TRIM33: variants seen among roughly 807,000 people sequenced by gnomAD.
TRIM33 encodes tripartite motif containing 33.
A neutral mutation model predicts 125.4 loss-of-function variants in TRIM33; 20 were observed. That is an observed-to-expected ratio of 0.16 (90% CI 0.11 to 0.23). TRIM33 has a LOEUF of 0.23. Among genes scored for constraint, TRIM33 ranks in the 10% least tolerant of loss-of-function variants. The probability of loss-of-function intolerance (pLI) is 1.00; values close to 1 mark genes in which losing one functional copy is unlikely to be tolerated. For synonymous variants in TRIM33, 564 were observed against 513.9 expected (o/e 1.10, Z -1.32); for missense variants, 920 against 1,411.4 (o/e 0.65, Z 5.58).
intron 1 of TRIM33, among the ~76,000 whole-genome samples, chr1:114,471,495 A>G (rs1468477076): frequency 6.6e-6 from 1 of 152,018 alleles, no homozygotes; most frequent in African/African-American, 2.4e-5. Context: ...CACAATTTCC[A>G]TATTAAAAAA....
intron 7 of TRIM33, 24 bp from the exon 8 acceptor site, chr1:114,427,318 T>C: frequency 1.6e-6 from 2 of 1,215,770 alleles, no homozygotes; most frequent in East Asian, 2.4e-5. Context: ...AAATCCACAT[T>C]AGTCTCAAAA....
At chr1:114,461,728 C>T (rs1650012817) in intron 4 of TRIM33, among the ~76,000 whole-genome samples, 1 of 151,864 alleles carries the variant, frequency 6.6e-6, no homozygotes, top group Admixed American at 6.6e-5. Flanking sequence ...TGCCTCTCAC[C>T]ATCAACTTAA....
At chr1:114,473,851 C>A (rs1447887966) in intron 1 of TRIM33, among the ~76,000 whole-genome samples, 1 of 152,010 alleles carries the variant, frequency 6.6e-6, no homozygotes, top group Non-Finnish European at 1.5e-5. Flanking sequence ...GAATTAAATA[C>A]CCCAATGAAA....
chr1:114,474,607 G>A (rs1159067921), intron 1 of TRIM33, among the ~76,000 whole-genome samples: 2 of 146,446 alleles, frequency 1.4e-5, no homozygotes, highest in Non-Finnish European at 3.0e-5. Flanking sequence ...AAAAAGGCCA[G>A]GGGCAGTGGC....
chr1:114,506,444 G>C (rs1468541675), intron 1 of TRIM33, among the ~76,000 whole-genome samples: 1 of 150,800 alleles, frequency 6.6e-6, no homozygotes, highest in Non-Finnish European at 1.5e-5. Flanking sequence ...CATTTCTTCA[G>C]CCACATCATT....
chr1:114,458,700 T>C (rs1045328282), intron 4 of TRIM33, among the ~76,000 whole-genome samples: 1 of 152,190 alleles, frequency 6.6e-6, no homozygotes, highest in African/African-American at 2.4e-5. Context: ...ATTAAACTCT[T>C]TCTCTGCTAC....
chr1:114,416,557 T>C (rs1049061522), intron 11 of TRIM33, among the ~76,000 whole-genome samples: 1 of 152,170 alleles, frequency 6.6e-6, no homozygotes, highest in African/African-American at 2.4e-5. Flanking sequence ...GCCTTCTCAC[T>C]CCCTCAAGCC....
Position 114,399,629 on chromosome 1 carries a change from G to T in TRIM33, c.2968-20C>A, listed in dbSNP as rs1012718783. On this transcript the variant is annotated intron_variant, in intron 17 of 19. Transcript: ENST00000358465. ...TGGTATCTAAAATAAGCACATAATG[G>T]CAAATAAGAATTCTCCAAAAATGCC... 1 of 1,546,658 alleles carries T rather than the reference G, an allele frequency of 6.5e-7. No homozygotes were observed. Among genetic ancestry groups the T allele is most frequent in the East Asian group, 2.3e-5 (1 of 43,786 alleles).
chr1:114,447,465 C>T (rs1328788221), intron 4 of TRIM33, among the ~76,000 whole-genome samples: 1 of 151,890 alleles, frequency 6.6e-6, no homozygotes, highest in Admixed American at 6.6e-5. Flanking sequence ...AGAAAGTGAT[C>T]AGTAGTTGAG....
chr1:114,426,522 T>A lies in TRIM33; in HGVS notation c.1420+655A>T, dbSNP rs1179073757. On this transcript the variant is annotated intron_variant, in intron 8 of 19. Coordinates refer to ENST00000358465, the MANE Select transcript of TRIM33 (RefSeq NM_015906.4). ...GCAAAGATTACTTTTTTTTTTTTTT[T>A]AAAAAAAAAGGGCAACCAGCCTCTG... Among the ~76,000 whole-genome samples the A allele has an allele frequency of 3.3e-3, 471 of 143,574 alleles. 2 individuals carry two copies. The highest frequency in any genetic ancestry group is 8.6e-3 in the East Asian group (44 of 5,114). 94.2% of individuals were successfully genotyped at this position (143,574 alleles called of 152,430 possible).
At chr1:114,484,488 A>G (rs983700457) in intron 1 of TRIM33, among the ~76,000 whole-genome samples, 1 of 152,112 alleles carries the variant, frequency 6.6e-6, no homozygotes, top group African/African-American at 2.4e-5. Context: ...GTACTTTGGG[A>G]GGCTGAGGCG....
chr1:114,405,881 G>T (rs1652199983), intron 14 of TRIM33, 122 bp from the exon 15 acceptor site: 2 of 855,620 alleles, frequency 2.3e-6, no homozygotes, highest in Non-Finnish European at 1.8e-6. Context: ...TTATTTTATA[G>T]ATCACAATAG....
chr1:114,436,471 T>G (rs1648309254), intron 4 of TRIM33, among the ~76,000 whole-genome samples: 1 of 151,944 alleles, frequency 6.6e-6, no homozygotes, highest in Non-Finnish European at 1.5e-5. Context: ...AGAGAGTTTT[T>G]TTGTTTGTTT....
intron 17 of TRIM33, among the ~76,000 whole-genome samples, chr1:114,400,745 C>T (rs1427021758): frequency 1.3e-5 from 2 of 152,188 alleles, no homozygotes; most frequent in African/African-American, 4.8e-5. Flanking sequence ...TACTATTCAA[C>T]AACTGATGGC....
In TRIM33 at chr1:114,413,578, A is replaced by AGAAAAAGACTTTTTCT. The variant is rs1553206938; in HGVS notation, c.2062-3263_2062-3262insAGAAAAAGTCTTTTTC. Among the ~76,000 whole-genome samples the AGAAAAAGACTTTTTCT allele has an allele frequency of 3.3e-3, 435 of 132,228 alleles. 6 individuals carry two copies. The highest frequency in any genetic ancestry group is 9.6e-3 in the African/African-American group (299 of 31,024). 86.7% of individuals were successfully genotyped at this position (132,228 alleles called of 152,430 possible). ...CATCTCAAAAAAAAAAAAAAAGAAAAGAAAAGAAAAAGACTTTTTCTGAAA... is the reference window on the plus strand; with the variant it reads ...CATCTCAAAAAAAAAAAAAAAGAAAAGAAAAAGACTTTTTCTGAAAAGAAAAAGACTTTTTCTGAAA... On this transcript the variant is annotated intron_variant, in intron 11 of 19. Coordinates refer to ENST00000358465, the MANE Select transcript of TRIM33 (RefSeq NM_015906.4).
At chr1:114,450,696 C>T (rs1052200697) in intron 4 of TRIM33, among the ~76,000 whole-genome samples, 3 of 152,074 alleles carry the variant, frequency 2.0e-5, no homozygotes, top group Admixed American at 6.6e-5. Context: ...TCTGGCCTAA[C>T]GTTCCTATTT....
chr1:114,507,708 T>C (rs1244435537), intron 1 of TRIM33, among the ~76,000 whole-genome samples: 1 of 152,220 alleles, frequency 6.6e-6, no homozygotes, highest in Non-Finnish European at 1.5e-5. Context: ...AGCTGAACTA[T>C]GTCCCCTAAC....
intron 7 of TRIM33, 109 bp downstream of exon 7, chr1:114,427,639 G>A: frequency 8.9e-7 from 1 of 1,124,000 alleles, no homozygotes; most frequent in Non-Finnish European, 1.2e-6. Flanking sequence ...TGATGTGGTG[G>A]TGGTTACATT....
At chr1:114,414,671 G>C (rs573480877) in intron 11 of TRIM33, among the ~76,000 whole-genome samples, 10 of 152,142 alleles carry the variant, frequency 6.6e-5, no homozygotes, top group African/African-American at 2.2e-4. Flanking sequence ...TTTATTATAG[G>C]TAGGGTTTTA....
Sources: allele counts gnomAD v4.1 joint callset (sites outside exome capture counted in the v4.1 genomes callset), GRCh38; gene constraint gnomAD v4.1.1; transcripts MANE v1.5; gene names NCBI Gene and HGNC (gene_info 2026-07-23, HGNC 2026-07-21).